The following PRELID2 variants were observed in gnomAD, a reference collection of about 807,000 sequenced individuals.
PRELID2 encodes the protein PRELI domain-containing protein 2.
In PRELID2, 25 loss-of-function variants were observed where a neutral mutation model predicts 28.4. That is an observed-to-expected ratio of 0.88 (90% CI 0.64 to 1.23). The LOEUF (loss-of-function observed/expected upper bound fraction) is 1.23, where lower values mean the gene tolerates loss of function less well. Ranked by LOEUF, PRELID2 falls within the 50% of genes most tolerant of loss-of-function variation. The pLI, the probability that PRELID2 is intolerant of heterozygous loss-of-function variation, is 0.00. For synonymous variants in PRELID2, 76 were observed against 71.6 expected (o/e 1.06, Z -0.31); for missense variants, 201 against 214.4 (o/e 0.94, Z 0.39).
the PRELID2 span, among the ~76,000 whole-genome samples, chr5:145,236,755 T>G: frequency 6.6e-6 from 1 of 152,134 alleles, no homozygotes; most frequent in African/African-American, 2.4e-5. Context: ...AATGTAACTA[T>G]TCACCTTACT....
chr5:145,314,143 A>G, the PRELID2 span, among the ~76,000 whole-genome samples: 22 of 152,354 alleles, frequency 1.4e-4, no homozygotes, highest in Non-Finnish European at 2.9e-5. Flanking sequence ...ATGGATGAAG[A>G]AACAGAGATG....
Position 145,824,425 on chromosome 5 carries a change from C to CGTGTGTGTGTGTGTGTGT in PRELID2, c.76-1309_76-1292dup, listed in dbSNP as rs369429281. On this transcript the variant is annotated intron_variant, in intron 1 of 6. Coordinates refer to ENST00000683046, the MANE Select transcript of PRELID2 (RefSeq NM_205846.3). Reference sequence around the variant, plus strand: ...ACTGTGGGTCTCCACCCACAGCAGGCGTGTGTGTGTGTGTGTGTGTGTGTG... The same window carrying CGTGTGTGTGTGTGTGTGT: ...ACTGTGGGTCTCCACCCACAGCAGGCGTGTGTGTGTGTGTGTGTGTGTGTGTGTGTGTGTGTGTGTGTG... 4.1e-3 allele frequency among the ~76,000 whole-genome samples: 393 copies of CGTGTGTGTGTGTGTGTGT among 96,236 alleles called. 5 individuals are homozygous for CGTGTGTGTGTGTGTGTGT. Among genetic ancestry groups the CGTGTGTGTGTGTGTGTGT allele is most frequent in the African/African-American group, 9.6e-3 (316 of 32,928 alleles). 63.1% of individuals were successfully genotyped at this position (96,236 alleles called of 152,430 possible). A position where few individuals can be genotyped will look rare whatever the true frequency, so the allele number is the denominator to read the frequency against.
At chr5:145,291,337 GAAAAAAAAAAA>G in the PRELID2 span, among the ~76,000 whole-genome samples, 2 of 41,742 alleles carry the variant, frequency 4.8e-5, no homozygotes, top group African/African-American at 8.0e-5. Context: ...CTCTGTTTCA[GAAAAAAAAAAA>G]AAAAAAAAAA....
At chr5:145,408,598 G>C in the PRELID2 span, among the ~76,000 whole-genome samples, 1 of 151,340 alleles carries the variant, frequency 6.6e-6, no homozygotes, top group East Asian at 1.9e-4. Flanking sequence ...GGATAGAATA[G>C]ATCAAGTGGA....
chr5:145,421,823 T>C, the PRELID2 span, among the ~76,000 whole-genome samples: 2 of 139,954 alleles, frequency 1.4e-5, no homozygotes, highest in African/African-American at 5.2e-5. Flanking sequence ...AATTGTGATG[T>C]TAGGGTGTCA....
Position 145,823,150 on chromosome 5 carries a change from T to C in PRELID2, c.76-16A>G, listed in dbSNP as rs1269787463. ...GGTTGGGGTACTAAACAAAAATATA[T>C]AAAAAAGAATTACCATTAATCTTCT... On this transcript the variant is annotated splice_polypyrimidine_tract_variant and intron_variant, in intron 1 of 6. Transcript: ENST00000683046. 3 of 1,247,934 alleles carry C rather than the reference T, an allele frequency of 2.4e-6. No individual in the cohort carries two copies. Among genetic ancestry groups the C allele is most frequent in the Non-Finnish European group, 3.5e-6 (3 of 848,832 alleles). 77.3% of individuals were successfully genotyped at this position (1,247,934 alleles called of 1,614,324 possible).
Position 145,740,613 on chromosome 5 carries a change from TAAATATATATATATTATATATATA to T in PRELID2, n.70+24294_70+24317del, listed in dbSNP as rs1217944737. Among the ~76,000 whole-genome samples the T allele has an allele frequency of 1.6e-3, 16 of 9,764 alleles. 1 individual carries two copies. Among genetic ancestry groups the T allele is most frequent in the Admixed American group, 4.4e-3 (2 of 450 alleles). The allele number at this position is 9,764 out of a possible 152,430, so 6.4% of individuals were successfully genotyped here. A position where few individuals can be genotyped will look rare whatever the true frequency, so the allele number is the denominator to read the frequency against. ...TATAAATATATATATATTATATATA[TAAATATATATATATTATATATATA>T]AATATATATATTTTATATATAAATA... On this transcript the variant is annotated intron_variant and non_coding_transcript_variant, in intron 1 of 2. Coordinates refer to the PRELID2 transcript ENST00000510259.
At chr5:145,503,487 G>A (rs768668303) in intron 1 of PRELID2, among the ~76,000 whole-genome samples, 6 of 152,040 alleles carry the variant, frequency 3.9e-5, no homozygotes, top group Admixed American at 6.6e-5. Context: ...GCTCCTACTA[G>A]ATATCAGTCA....
At chr5:145,557,300 G>C (rs888891157) in intron 1 of PRELID2, among the ~76,000 whole-genome samples, 1 of 152,218 alleles carries the variant, frequency 6.6e-6, no homozygotes, top group Non-Finnish European at 1.5e-5. Context: ...GCATGCTTAT[G>C]AAAGGTACTG....
rs1161764068 is a variant in PRELID2 at position 145,615,329 on chromosome 5, T to G, written n.71-142014A>C. 1.9e-4 allele frequency among the ~76,000 whole-genome samples: 2 copies of G among 10,272 alleles called. 1 individual carries two copies. Among genetic ancestry groups the G allele is most frequent in the Non-Finnish European group, 1.7e-3 (2 of 1,198 alleles). 6.7% of individuals were successfully genotyped at this position (10,272 alleles called of 152,430 possible). On this transcript the variant is annotated intron_variant and non_coding_transcript_variant, in intron 1 of 2. Transcript: ENST00000510259. The stretch of plus-strand genomic sequence containing the variant: ...TGTTATGTGAGTCTCTTTTTTTTGT[T>G]TTTTTTTTTTTTTTTTGAGACGGAG...
the PRELID2 span, among the ~76,000 whole-genome samples, chr5:145,341,929 C>T: frequency 6.6e-6 from 1 of 152,116 alleles, no homozygotes; most frequent in African/African-American, 2.4e-5. Flanking sequence ...AGATAAAATG[C>T]AAAAGGATCT....
intron 4 of PRELID2, among the ~76,000 whole-genome samples, chr5:145,811,627 C>T (rs910581889): frequency 1.3e-5 from 2 of 152,118 alleles, no homozygotes; most frequent in African/African-American, 4.8e-5. Flanking sequence ...GTTACTGTGG[C>T]ATAGGACATG....
chr5:145,318,529 T>C, the PRELID2 span, among the ~76,000 whole-genome samples: 294 of 152,340 alleles, frequency 1.9e-3, 8 homozygotes, highest in East Asian at 0.045. Flanking sequence ...TCTTTGGTAT[T>C]GTATTAACAA....
At chr5:145,675,209 T>C (rs927317156) in intron 1 of PRELID2, among the ~76,000 whole-genome samples, 133 of 152,182 alleles carry the variant, frequency 8.7e-4, no homozygotes, top group African/African-American at 3.1e-3. Context: ...AATAAATCGA[T>C]TAATTATAGT....
the PRELID2 span, among the ~76,000 whole-genome samples, chr5:145,312,031 T>C: frequency 1.3e-5 from 2 of 152,100 alleles, no homozygotes; most frequent in African/African-American, 2.4e-5. Context: ...CTTATCATTT[T>C]TTATGATGAG....
At chr5:145,359,521 A>G in the PRELID2 span, among the ~76,000 whole-genome samples, 3 of 152,330 alleles carry the variant, frequency 2.0e-5, no homozygotes, top group South Asian at 2.1e-4. Context: ...CACAACATCA[A>G]TTATGACCAC....
At chr5:145,695,237 A>G (rs1307683395) in intron 1 of PRELID2, among the ~76,000 whole-genome samples, 1 of 152,204 alleles carries the variant, frequency 6.6e-6, no homozygotes, top group Non-Finnish European at 1.5e-5. Context: ...CATGAATGCC[A>G]AGACCTGAAA....
chr5:145,383,479 A>C, the PRELID2 span, among the ~76,000 whole-genome samples: 8 of 151,606 alleles, frequency 5.3e-5, no homozygotes, highest in African/African-American at 1.7e-4. Flanking sequence ...ATAATCAAAT[A>C]GATAAATATA....
the PRELID2 span, among the ~76,000 whole-genome samples, chr5:145,352,121 C>T: frequency 2.7e-4 from 41 of 152,190 alleles, no homozygotes; most frequent in South Asian, 8.1e-3. Flanking sequence ...AGGGTGGTGA[C>T]CTTCTCCTCA....
Sources: gnomAD v4.1 joint callset for allele counts (sites outside exome capture counted in the v4.1 genomes callset) on GRCh38, gnomAD v4.1.1 for gene constraint, MANE v1.5 for transcripts, NCBI Gene and HGNC (gene_info 2026-07-23, HGNC 2026-07-21) for gene names.